ZNF277: variants seen among roughly 807,000 people sequenced by gnomAD.
ZNF277 encodes nuclear receptor-interacting factor 4.
ZNF277 carries 55 observed loss-of-function variants against 60.7 expected under a neutral mutation model. That is an observed-to-expected ratio of 0.91 (90% CI 0.73 to 1.13). The LOEUF (loss-of-function observed/expected upper bound fraction) is 1.13, where lower values mean the gene tolerates loss of function less well. Among genes scored for constraint, ZNF277 ranks in the 50% most tolerant of loss-of-function variants. The probability of loss-of-function intolerance (pLI) is 0.00; values close to 1 mark genes in which losing one functional copy is unlikely to be tolerated. For missense variants in ZNF277, 510 were observed against 523.0 expected, an observed-to-expected ratio of 0.98 and a Z score of 0.24; for synonymous variants, 178 against 179.3, an observed-to-expected ratio of 0.99 and a Z score of 0.06.
At chr7:112,218,326 G>A (rs549794467) in intron 1 of ZNF277, among the ~76,000 whole-genome samples, 3 of 152,214 alleles carry the variant, frequency 2.0e-5, no homozygotes, top group African/African-American at 2.4e-5. Context: ...GTAACTTGCC[G>A]TTGTTTTTTG....
At position 112,305,908 on chromosome 7, in the gene ZNF277, C is replaced by T. The variant is rs553877461; in HGVS notation, c.465+9597C>T. Reference sequence around the variant, plus strand: ...CAAGAGAAGAGGCTCATCAGCATTCCGTATGTATTAGGGAGCTCTGCCATT... The same window carrying T: ...CAAGAGAAGAGGCTCATCAGCATTCTGTATGTATTAGGGAGCTCTGCCATT... On this transcript the variant is annotated intron_variant, in intron 4 of 11. Coordinates refer to ENST00000361822, the MANE Select transcript of ZNF277 (RefSeq NM_021994.3). Among the ~76,000 whole-genome samples, 17 of 152,056 alleles carry T rather than the reference C, an allele frequency of 1.1e-4. No homozygotes were observed. The South Asian group carries it at 2.5e-3, about 22-fold the overall frequency.
intron 1 of ZNF277, among the ~76,000 whole-genome samples, chr7:112,226,255 A>G (rs1278809888): frequency 6.6e-6 from 1 of 152,190 alleles, no homozygotes; most frequent in Non-Finnish European, 1.5e-5. Context: ...TTTATGCCCC[A>G]GGAGTAAGAA....
chr7:112,227,109 G>T (rs1170642472), intron 1 of ZNF277, among the ~76,000 whole-genome samples: 1 of 152,158 alleles, frequency 6.6e-6, no homozygotes, highest in Non-Finnish European at 1.5e-5. Context: ...CAATACGTTA[G>T]TGAATCAGAC....
In ZNF277 at chr7:112,343,332, G is replaced by A. The variant is rs1042918897; in HGVS notation, c.*603G>A. ...AGGGTGGCCAAATTCCCTAGAAATA[G>A]ACATCAAGCCAGTTAACTTCACTTT... On this transcript the variant is annotated 3_prime_UTR_variant, in exon 12 of 12. Transcript: ENST00000361822. 2.6e-5 allele frequency among the ~76,000 whole-genome samples: 4 copies of A among 152,004 alleles called. No homozygotes were observed. The highest frequency in any genetic ancestry group is 4.1e-4 in the South Asian group (2 of 4,830).
chr7:112,300,475 T>C (rs1490850134), intron 4 of ZNF277, among the ~76,000 whole-genome samples: 3 of 152,184 alleles, frequency 2.0e-5, no homozygotes, highest in Non-Finnish European at 4.4e-5. Flanking sequence ...TTCCCTCTTT[T>C]CTCTTAAATG....
rs529885865 is a variant in ZNF277 at position 112,327,021 on chromosome 7, T to A, written c.558-696T>A. 2.0e-5 allele frequency among the ~76,000 whole-genome samples: 3 copies of A among 152,366 alleles called. No homozygotes were observed. The South Asian group carries it at 6.2e-4, about 32-fold the overall frequency. On this transcript the variant is annotated intron_variant, in intron 5 of 11. Transcript: ENST00000361822. Reference sequence around the variant, plus strand: ...TCACAGCCCTTGCATTTAATAGACCTGTTAACTGTGGGTTCCAGGTCATTG... The same window carrying A: ...TCACAGCCCTTGCATTTAATAGACCAGTTAACTGTGGGTTCCAGGTCATTG...
intron 1 of ZNF277, among the ~76,000 whole-genome samples, chr7:112,285,180 C>T (rs1469718421): frequency 2.0e-5 from 3 of 151,910 alleles, no homozygotes; most frequent in Non-Finnish European, 2.9e-5. Flanking sequence ...CAGGTGTGCA[C>T]CACCACGCCC....
intron 1 of ZNF277, among the ~76,000 whole-genome samples, chr7:112,240,152 A>G (rs1206879828): frequency 6.6e-6 from 1 of 152,196 alleles, no homozygotes; most frequent in Non-Finnish European, 1.5e-5. Context: ...ACCAGGGAAA[A>G]TCACCTTTAT....
intron 11 of ZNF277, among the ~76,000 whole-genome samples, chr7:112,341,689 C>T (rs1314231712): frequency 1.3e-5 from 2 of 152,160 alleles, no homozygotes; most frequent in African/African-American, 4.8e-5. Flanking sequence ...TCCCAAGTAT[C>T]CTTTGCCAAG....
At chr7:112,311,118 A>AT (rs755664114) in intron 4 of ZNF277, among the ~76,000 whole-genome samples, 2 of 152,030 alleles carry the variant, frequency 1.3e-5, no homozygotes, top group African/African-American at 4.8e-5. Context: ...GGTTTTTATA[A>AT]TTTTCAACCT....
chr7:112,326,430 T>G (rs1294149745), intron 5 of ZNF277, among the ~76,000 whole-genome samples: 1 of 152,086 alleles, frequency 6.6e-6, no homozygotes, highest in Non-Finnish European at 1.5e-5. Context: ...CAGCTCTGCT[T>G]TCACCTGAAC....
At chr7:112,340,842 T>C (rs779374311) in intron 10 of ZNF277, 30 bp from the exon 11 acceptor site, 1 of 1,601,512 alleles carries the variant, frequency 6.2e-7, no homozygotes, top group African/African-American at 1.3e-5. Context: ...TGAACAGTTG[T>C]CTAATGATTC....
chr7:112,254,463 C>T (rs1401583320), intron 1 of ZNF277, among the ~76,000 whole-genome samples: 1 of 152,122 alleles, frequency 6.6e-6, no homozygotes, highest in African/African-American at 2.4e-5. Context: ...AACATCACAT[C>T]CAGTTTGTGT....
intron 4 of ZNF277, among the ~76,000 whole-genome samples, chr7:112,311,185 C>T (rs1213601500): frequency 1.3e-5 from 2 of 152,034 alleles, no homozygotes; most frequent in Non-Finnish European, 2.9e-5. Flanking sequence ...TGTTGAGTGC[C>T]ATCTGCTATA....
At chr7:112,280,363 A>C (rs1791912717) in intron 1 of ZNF277, among the ~76,000 whole-genome samples, 1 of 152,178 alleles carries the variant, frequency 6.6e-6, no homozygotes, top group South Asian at 2.1e-4. Context: ...AATAATCAGC[A>C]TAGAATCTCC....
intron 1 of ZNF277, among the ~76,000 whole-genome samples, chr7:112,243,583 GTTCTC>G (rs1186898964): frequency 2.7e-5 from 4 of 150,576 alleles, no homozygotes; most frequent in Admixed American, 2.6e-4. Flanking sequence ...AAAAAAAAAT[GTTCTC>G]TAATCATCAG....
chr7:112,330,279 G>A, intron 7 of ZNF277, 63 bp downstream of exon 7: 9 of 1,537,968 alleles, frequency 5.9e-6, no homozygotes, highest in Non-Finnish European at 8.0e-6. Context: ...TCTTTCTGAG[G>A]ACCAACTAAT....
chr7:112,340,050 A>G (rs1345172634), intron 10 of ZNF277, among the ~76,000 whole-genome samples, 165 bp downstream of exon 10: 1 of 152,222 alleles, frequency 6.6e-6, no homozygotes, highest in African/African-American at 2.4e-5. Flanking sequence ...ATGCTCAACC[A>G]TAATAGTCAA....
intron 7 of ZNF277, among the ~76,000 whole-genome samples, chr7:112,333,557 G>A (rs770846506): frequency 4.6e-5 from 7 of 152,206 alleles, no homozygotes; most frequent in Non-Finnish European, 8.8e-5. Flanking sequence ...CTCTGCCAGC[G>A]CAACAATGAT....
Sources: allele counts gnomAD v4.1 joint callset (sites outside exome capture counted in the v4.1 genomes callset), GRCh38; gene constraint gnomAD v4.1.1; transcripts MANE v1.5; gene names NCBI Gene and HGNC (gene_info 2026-07-23, HGNC 2026-07-21).